METTL9: variants seen among roughly 807,000 people sequenced by gnomAD.
METTL9 encodes the protein protein-L-histidine N-pros-methyltransferase.
METTL9 carries 10 observed loss-of-function variants against 36.0 expected under a neutral mutation model. The ratio of observed to expected loss-of-function variants is 0.28; its 90% CI spans 0.17 to 0.47. The LOEUF is 0.47. Among genes scored for constraint, METTL9 ranks in the 20% least tolerant of loss-of-function variants. METTL9 has a pLI of 0.99. For missense variants in METTL9, 246 were observed against 383.5 expected (o/e 0.64, Z 3.00); for synonymous variants, 175 against 149.7 (o/e 1.17, Z -1.23).
At chr16:21,606,709 A>T (rs1965297437) in intron 1 of METTL9, among the ~76,000 whole-genome samples, 1 of 152,098 alleles carries the variant, frequency 6.6e-6, no homozygotes, top group Non-Finnish European at 1.5e-5. Context: ...CATACAAAAG[A>T]TACTCTTATT....
chr16:21,654,465 G>C (rs1966659691), intron 4 of METTL9: 1 of 152,308 alleles, frequency 6.6e-6, no homozygotes, highest in African/African-American at 2.4e-5. Flanking sequence ...GTCAGTGCCA[G>C]GTTTGTATGT....
At chr16:21,599,553 GC>G, upstream of METTL9, 4 of 1,282,684 alleles carry the variant, frequency 3.1e-6, no homozygotes, top group Non-Finnish European at 3.9e-6. This position sits in a 1 kb window ranked among gnomAD's most constrained non-coding sequence, Gnocchi z 4.4. Flanking sequence ...AGGGGGAGGT[GC>G]CGAGGCTGCG....
chr16:21,612,939 T>TACA, intron 2 of METTL9, 104 bp downstream of exon 2: 1 of 1,001,458 alleles, frequency 1.0e-6, no homozygotes, highest in South Asian at 1.8e-5. Flanking sequence ...CTACCTGAGC[T>TACA]ACAATACTTC....
chr16:21,627,200 A>G, intron 4 of METTL9: 1 of 985,420 alleles, frequency 1.0e-6, no homozygotes, highest in East Asian at 1.1e-4. Flanking sequence ...TGAAACCATG[A>G]GGACTGGGAG....
chr16:21,617,493 C>T (rs1305659116), intron 2 of METTL9, among the ~76,000 whole-genome samples: 4 of 149,926 alleles, frequency 2.7e-5, no homozygotes, highest in South Asian at 4.3e-4. Flanking sequence ...TTTGGGAGGC[C>T]GAGGCGGGTA....
chr16:21,612,918 C>A, intron 2 of METTL9, 83 bp downstream of exon 2: 1 of 1,251,800 alleles, frequency 8.0e-7, no homozygotes, highest in Non-Finnish European at 1.1e-6. Context: ...TTATCTTGTT[C>A]AGCATGTTGA....
intron 4 of METTL9, chr16:21,646,796 C>T: frequency 2.9e-6 from 1 of 346,148 alleles, no homozygotes; most frequent in Non-Finnish European, 5.7e-6. Flanking sequence ...GCTGGGACTA[C>T]AGGTGCATGC....
At chr16:21,629,055 G>A (rs1224470230) in intron 4 of METTL9, among the ~76,000 whole-genome samples, 4 of 151,714 alleles carry the variant, frequency 2.6e-5, no homozygotes, top group Admixed American at 6.6e-5. Flanking sequence ...CACCACACCC[G>A]GCTCATTTTT....
At chr16:21,640,105 A>T (rs981817515) in intron 4 of METTL9, 5 of 151,398 alleles carry the variant, frequency 3.3e-5, no homozygotes, top group African/African-American at 4.9e-5. Context: ...ACCCCGCTAA[A>T]TTTTTTTGTA....
intron 4 of METTL9, among the ~76,000 whole-genome samples, chr16:21,639,379 AAATGT>A (rs905052540): frequency 1.3e-5 from 2 of 152,212 alleles, no homozygotes; most frequent in Admixed American, 1.3e-4. Flanking sequence ...TTCAGTACCA[AAATGT>A]AATGACTCCC....
intron 2 of METTL9, among the ~76,000 whole-genome samples, chr16:21,614,526 T>C (rs1055592557): frequency 6.6e-6 from 1 of 152,198 alleles, no homozygotes; most frequent in South Asian, 2.1e-4. Context: ...TTTTTCCTTC[T>C]GATACCCACC....
intron 4 of METTL9, among the ~76,000 whole-genome samples, chr16:21,635,126 A>C (rs1222822805): frequency 6.6e-6 from 1 of 152,102 alleles, no homozygotes; most frequent in Non-Finnish European, 1.5e-5. Flanking sequence ...ACATCTCTCC[A>C]AGCGAGGTTG....
In METTL9 at chr16:21,657,004, G is replaced by A. The variant is rs1288974007; in HGVS notation, c.*1572G>A. The A allele has an allele frequency of 2.0e-5, 3 of 151,940 alleles. No homozygotes were observed. Among genetic ancestry groups the A allele is most frequent in the Non-Finnish European group, 4.4e-5 (3 of 68,010 alleles). The allele number at this position is 151,940 out of a possible 1,614,324, so 9.4% of individuals were successfully genotyped here. On this transcript the variant is annotated 3_prime_UTR_variant, in exon 5 of 5. Coordinates refer to ENST00000358154, the MANE Select transcript of METTL9 (RefSeq NM_016025.5). ...AGAGGAAATGAGAAAACTTAATGTC[G>A]TTCTTGTACAGTTGAGTTTTGCTTC...
intron 4 of METTL9, chr16:21,642,961 C>T (rs1032573223): frequency 1.5e-6 from 1 of 663,982 alleles, no homozygotes; most frequent in Non-Finnish European, 2.6e-6. Flanking sequence ...TGAAAGTTCT[C>T]TTTCAGACTC....
At chr16:21,615,607 T>C (rs548564832) in intron 2 of METTL9, among the ~76,000 whole-genome samples, 4 of 152,284 alleles carry the variant, frequency 2.6e-5, no homozygotes, top group African/African-American at 9.6e-5. Flanking sequence ...TAGAATTTTA[T>C]AATTATCATG....
intron 4 of METTL9, chr16:21,642,226 G>A (rs1966291243): frequency 6.6e-6 from 1 of 151,918 alleles, no homozygotes; most frequent in Non-Finnish European, 1.5e-5. Flanking sequence ...GTCTCCTGAT[G>A]CATTTGCCCT....
rs750157988 is a variant in METTL9 at position 21,617,850 on chromosome 16, CT to C, written c.357-8del. The C allele has an allele frequency of 2.5e-6, 4 of 1,611,484 alleles. No homozygotes were observed. The highest frequency in any genetic ancestry group is 1.7e-5 in the Admixed American group (1 of 59,910). On this transcript the variant is annotated splice_polypyrimidine_tract_variant and intron_variant, in intron 2 of 4. Coordinates refer to ENST00000358154, the MANE Select transcript of METTL9 (RefSeq NM_016025.5). ...TTGCATAGACACTTCCATTTTTGTC[CT>C]TTTTTTCTTTCAGGTTGCTAGGAAG...
intron 3 of METTL9, among the ~76,000 whole-genome samples, chr16:21,622,597 A>G (rs1965732007): frequency 6.6e-6 from 1 of 152,358 alleles, no homozygotes; most frequent in East Asian, 1.9e-4. Context: ...TTCCTGGGCT[A>G]ATACGCAGTT....
rs1224309336 is a variant in METTL9 at position 21,646,086 on chromosome 16, A to G, written c.752-9141A>G. ...GTCCTTCCTAAGGGAAGAGACCCCAACAAGGCGAGGAGTTGCTGCTGTTCT... is the reference window on the plus strand; with the variant it reads ...GTCCTTCCTAAGGGAAGAGACCCCAGCAAGGCGAGGAGTTGCTGCTGTTCT... On this transcript the variant is annotated intron_variant, in intron 4 of 4. Transcript: ENST00000358154. 2.6e-5 allele frequency among the ~76,000 whole-genome samples: 4 copies of G among 152,134 alleles called. No homozygotes were observed. In the East Asian group the frequency reaches 7.7e-4, roughly 29 times the overall value.
Sources: gnomAD v4.1 joint callset for allele counts (sites outside exome capture counted in the v4.1 genomes callset) on GRCh38, gnomAD v4.1.1 for gene constraint, Gnocchi (gnomAD v3.1) non-coding constraint, MANE v1.5 for transcripts, NCBI Gene and HGNC (gene_info 2026-07-23, HGNC 2026-07-21) for gene names.